Variants in SLC12A7 observed in about 807,000 individuals in gnomAD.
SLC12A7 encodes solute carrier family 12 member 7.
Under a neutral mutation model 120.6 loss-of-function variants are expected in SLC12A7, and 100 were observed. The observed-to-expected ratio is 0.83, with a 90% CI of 0.71 to 0.98. The LOEUF is 0.98. Ranked by LOEUF, SLC12A7 falls within the 50% of genes least tolerant of loss-of-function variation. The pLI, the probability that SLC12A7 is intolerant of heterozygous loss-of-function variation, is 0.00. For missense variants in SLC12A7, 1,373 were observed against 1,548.1 expected (o/e 0.89, Z 1.90); for synonymous variants, 760 against 678.0 (o/e 1.12, Z -1.88).
At chr5:1,136,339 C>T in the SLC12A7 span, among the ~76,000 whole-genome samples, 13 of 152,202 alleles carry the variant, frequency 8.5e-5, no homozygotes, top group South Asian at 4.2e-4. Context: ...CACCAGGACA[C>T]GCAGGCACAC....
chr5:1,081,478 C>A, intron 9 of SLC12A7, 99 bp downstream of exon 9: 1 of 1,285,250 alleles, frequency 7.8e-7, no homozygotes, highest in Non-Finnish European at 1.1e-6. Flanking sequence ...GCCGTGATCA[C>A]ACCACTGCCC....
chr5:1,128,568 T>G, the SLC12A7 span, among the ~76,000 whole-genome samples: 1 of 152,240 alleles, frequency 6.6e-6, no homozygotes, highest in Non-Finnish European at 1.5e-5. Flanking sequence ...CCCAACACTC[T>G]GAGACCTCTG....
At chr5:1,133,486 T>C in the SLC12A7 span, among the ~76,000 whole-genome samples, 1 of 152,072 alleles carries the variant, frequency 6.6e-6, no homozygotes, top group Non-Finnish European at 1.5e-5. Flanking sequence ...GAGGTGCCTG[T>C]TCTTTCCGTC....
chr5:1,130,551 G>A, the SLC12A7 span, among the ~76,000 whole-genome samples: 1,490 of 141,058 alleles, frequency 0.011, 4 homozygotes, highest in African/African-American at 0.033. Flanking sequence ...GCGGCTGCCC[G>A]CGCAGGTCCC....
intron 9 of SLC12A7, among the ~76,000 whole-genome samples, chr5:1,081,059 CAGAGAGAGAGAGAGAGACA>C (rs1454167918): frequency 6.8e-5 from 3 of 44,426 alleles, no homozygotes; most frequent in Non-Finnish European, 1.3e-4. Flanking sequence ...AAGAGGGAGA[CAGAGAGAGAGAGAGAGACA>C]GACAGAGAGA....
At chr5:1,151,293 A>T in the SLC12A7 span, among the ~76,000 whole-genome samples, 7 of 152,330 alleles carry the variant, frequency 4.6e-5, no homozygotes, top group East Asian at 1.2e-3. The surrounding 1 kb of genome is among the most constrained non-coding windows in gnomAD (Gnocchi z 6.2). Context: ...AGATGCAGAC[A>T]TCCACTCACA....
At chr5:1,096,896 G>GGGAGGGAGGAAGGGAGGGAA (rs1741312955) in intron 1 of SLC12A7, among the ~76,000 whole-genome samples, 1 of 144,410 alleles carries the variant, frequency 6.9e-6, no homozygotes, top group Admixed American at 6.8e-5. Flanking sequence ...GAAGAAAGGA[G>GGGAGGGAGGAAGGGAGGGAA]GGAGGGAGGA....
intron 5 of SLC12A7, among the ~76,000 whole-genome samples, chr5:1,087,574 G>A (rs1740009253): frequency 6.6e-6 from 1 of 152,224 alleles, no homozygotes; most frequent in Non-Finnish European, 1.5e-5. Context: ...AGCAGAGACT[G>A]GTCCCTTGGC....
chr5:1,127,076 G>A, the SLC12A7 span, among the ~76,000 whole-genome samples: 10 of 152,172 alleles, frequency 6.6e-5, no homozygotes, highest in South Asian at 2.1e-4. Flanking sequence ...GTGCAGTGGC[G>A]CAATCTCGGC....
the SLC12A7 span, among the ~76,000 whole-genome samples, chr5:1,129,685 G>A: frequency 1.3e-5 from 2 of 152,026 alleles, no homozygotes; most frequent in African/African-American, 2.4e-5. Flanking sequence ...AACACCTGGG[G>A]CACCCACTGT....
At chr5:1,141,601 A>C in the SLC12A7 span, among the ~76,000 whole-genome samples, 6 of 152,224 alleles carry the variant, frequency 3.9e-5, no homozygotes, top group Non-Finnish European at 8.8e-5. Flanking sequence ...CCTCACTGGG[A>C]CAGCAGCCAC....
chr5:1,074,837 G>C, intron 15 of SLC12A7, 166 bp from the exon 16 acceptor site: 1 of 650,830 alleles, frequency 1.5e-6, no homozygotes, highest in South Asian at 1.9e-5. Context: ...CCTGAAGGGA[G>C]CCCGTCCTAG....
intron 17 of SLC12A7, among the ~76,000 whole-genome samples, chr5:1,067,167 G>C (rs1402661885): frequency 2.0e-5 from 3 of 152,178 alleles, no homozygotes; most frequent in African/African-American, 7.2e-5. Context: ...CTGCCCGGGC[G>C]CAAGACGGGA....
chr5:1,111,900 G>C lies in SLC12A7; in HGVS notation c.92C>G (p.Pro31Arg). The change falls in exon 1 of 24, where the codon CCC (proline) becomes CGC (arginine). Residue 31 changes from proline (P) to arginine (R), a missense_variant. Coordinates refer to ENST00000264930, the MANE Select transcript of SLC12A7 (RefSeq NM_006598.3). ...TAERTEAPGTPEGPEPERPSP... is the reference protein window; with the variant it reads ...TAERTEAPGTREGPEPERPSP... Reference sequence around the variant, plus strand: ...GGGGCGCTCGGGCTCGGGGCCCTCGGGGGTGCCCGGAGCCTCCGTCCGCTC... The same window carrying C: ...GGGGCGCTCGGGCTCGGGGCCCTCGCGGGTGCCCGGAGCCTCCGTCCGCTC... 5 of 1,241,880 alleles carry C rather than the reference G, an allele frequency of 4.0e-6. No homozygotes were observed. The highest frequency in any genetic ancestry group is 5.0e-6 in the Non-Finnish European group (5 of 991,174). The allele number at this position is 1,241,880 out of a possible 1,614,324, so 76.9% of individuals were successfully genotyped here. A position where few individuals can be genotyped will look rare whatever the true frequency, so the allele number is the denominator to read the frequency against.
chr5:1,052,514 A>G, intron 23 of SLC12A7, 63 bp from the exon 24 acceptor site: 2 of 1,381,224 alleles, frequency 1.4e-6, no homozygotes, highest in South Asian at 2.3e-5. Flanking sequence ...TGAAATCGTG[A>G]TAGGAGTGAG....
At chr5:1,091,790 A>G (rs140866854) in intron 3 of SLC12A7, among the ~76,000 whole-genome samples, 48 of 151,762 alleles carry the variant, frequency 3.2e-4, no homozygotes, top group African/African-American at 1.1e-3. Context: ...CTGAGTGCTG[A>G]GCCCGGCAAT....
chr5:1,145,625 G>T, the SLC12A7 span, among the ~76,000 whole-genome samples: 9 of 151,990 alleles, frequency 5.9e-5, no homozygotes, highest in Non-Finnish European at 1.2e-4. This position sits in a 1 kb window ranked among gnomAD's most constrained non-coding sequence, Gnocchi z 4.4. Context: ...CTTCCAAGAG[G>T]CCTGAAAGAG....
At chr5:1,091,225 T>C (rs1303878379) in intron 3 of SLC12A7, among the ~76,000 whole-genome samples, 1 of 152,194 alleles carries the variant, frequency 6.6e-6, no homozygotes, top group Non-Finnish European at 1.5e-5. Context: ...GGGAACCTCC[T>C]GGGCCCTGGC....
At chr5:1,089,222 C>A in intron 3 of SLC12A7, 94 bp from the exon 4 acceptor site, 1 of 1,435,134 alleles carries the variant, frequency 7.0e-7, no homozygotes, top group Non-Finnish European at 9.4e-7. Context: ...GCAGGCAAAG[C>A]GGCCGTGGGG....
Sources: allele counts gnomAD v4.1 joint callset (sites outside exome capture counted in the v4.1 genomes callset), GRCh38; gene constraint gnomAD v4.1.1; non-coding constraint Gnocchi (gnomAD v3.1); transcripts MANE v1.5; gene names NCBI Gene and HGNC (gene_info 2026-07-23, HGNC 2026-07-21).